SLC36A1: variants seen among roughly 807,000 people sequenced by gnomAD.
The protein encoded by SLC36A1 is solute carrier family 36 member 1.
SLC36A1 carries 30 observed loss-of-function variants against 47.5 expected under a neutral mutation model. The observed-to-expected ratio is 0.63, with a 90% CI of 0.47 to 0.86. The LOEUF (loss-of-function observed/expected upper bound fraction) is 0.86. Among genes scored for constraint, SLC36A1 ranks in the 40% least tolerant of loss-of-function variants. The probability of loss-of-function intolerance (pLI) is 0.00; values close to 1 mark genes in which losing one functional copy is unlikely to be tolerated. For missense variants in SLC36A1, 517 were observed against 606.0 expected, an observed-to-expected ratio of 0.85 and a Z score of 1.54; for synonymous variants, 255 against 249.7, an observed-to-expected ratio of 1.02 and a Z score of -0.20.
At chr5:151,390,730 T>A in the SLC36A1 span, among the ~76,000 whole-genome samples, 21,362 of 152,194 alleles carry the variant, frequency 0.14, 2,014 homozygotes, top group East Asian at 0.37. Flanking sequence ...TGTGTGGTAT[T>A]ATTACTCAGG....
chr5:151,459,075 C>G, intron 2 of SLC36A1, 140 bp downstream of exon 2: 1 of 933,592 alleles, frequency 1.1e-6, no homozygotes, highest in South Asian at 2.3e-5. Flanking sequence ...CGAGTGACTG[C>G]GCTGAGATTT....
At chr5:151,524,275 A>C in the SLC36A1 span, among the ~76,000 whole-genome samples, 1 of 152,164 alleles carries the variant, frequency 6.6e-6, no homozygotes, top group Non-Finnish European at 1.5e-5. Flanking sequence ...CTTGATTTTT[A>C]CCTGTTGTAA....
At chr5:151,437,702 A>T (rs1284340562) in intron 1 of SLC36A1, among the ~76,000 whole-genome samples, 1 of 152,196 alleles carries the variant, frequency 6.6e-6, no homozygotes, top group Non-Finnish European at 1.5e-5. Flanking sequence ...AATGATATAA[A>T]CATAAAGCTA....
the SLC36A1 span, among the ~76,000 whole-genome samples, chr5:151,390,561 T>A: frequency 4.6e-5 from 7 of 152,366 alleles, no homozygotes; most frequent in South Asian, 2.1e-4. Context: ...AAGTCTTTAG[T>A]CCATCTTGAA....
the SLC36A1 span, chr5:151,543,026 G>A: frequency 6.2e-7 from 1 of 1,614,168 alleles, no homozygotes; most frequent in Non-Finnish European, 8.5e-7. Context: ...AGGTCTTCAG[G>A]TGCAGAGAAA....
chr5:151,437,603 AT>A (rs900831495), intron 1 of SLC36A1, among the ~76,000 whole-genome samples: 1 of 152,128 alleles, frequency 6.6e-6, no homozygotes, highest in African/African-American at 2.4e-5. Context: ...TTAGGTGAAA[AT>A]TTGTACCTCT....
At chr5:151,413,540 A>G in the SLC36A1 span, among the ~76,000 whole-genome samples, 1 of 152,160 alleles carries the variant, frequency 6.6e-6, no homozygotes, top group Non-Finnish European at 1.5e-5. Context: ...CTGAAAAACT[A>G]TTCACATAAC....
the SLC36A1 span, among the ~76,000 whole-genome samples, chr5:151,375,630 T>C: frequency 9.9e-5 from 15 of 152,192 alleles, no homozygotes; most frequent in Admixed American, 1.3e-4. Context: ...AGGGATTGCA[T>C]TGAATCTCTA....
At chr5:151,504,373 C>A in the SLC36A1 span, 1 of 152,688 alleles carries the variant, frequency 6.5e-6, no homozygotes, top group African/African-American at 2.4e-5. Flanking sequence ...GCCACAGAGG[C>A]TTCTGGTCCC....
intron 10 of SLC36A1, among the ~76,000 whole-genome samples, chr5:151,483,526 T>TTTGGGGGGGGGGGGGGGGGGGGCGGGGGG (rs1759124357): frequency 7.1e-6 from 1 of 140,756 alleles, no homozygotes; most frequent in African/African-American, 2.8e-5. Flanking sequence ...GTGGGGGGGG[T>TTTGGGGGGGGGGGGGGGGGGGGCGGGGGG]GATTAGGGGA....
chr5:151,544,217 T>C, the SLC36A1 span: 1 of 1,613,914 alleles, frequency 6.2e-7, no homozygotes, highest in Non-Finnish European at 8.5e-7. Flanking sequence ...ACGTCACGGT[T>C]CCGCCCTGAG....
the SLC36A1 span, among the ~76,000 whole-genome samples, chr5:151,528,875 C>G: frequency 1.3e-5 from 2 of 152,212 alleles, no homozygotes; most frequent in African/African-American, 4.8e-5. Context: ...GAGCCTCTGG[C>G]AGTCCTCTGG....
the SLC36A1 span, among the ~76,000 whole-genome samples, chr5:151,503,626 T>C: frequency 4.0e-5 from 6 of 151,790 alleles, no homozygotes; most frequent in African/African-American, 1.5e-4. Flanking sequence ...CGACTAAGGG[T>C]GCGCTGTGGA....
At chr5:151,371,609 A>G in the SLC36A1 span, among the ~76,000 whole-genome samples, 2 of 152,240 alleles carry the variant, frequency 1.3e-5, no homozygotes, top group Non-Finnish European at 1.5e-5. Context: ...AGAATTTCTA[A>G]TATTCTATCT....
chr5:151,377,410 G>A, the SLC36A1 span, among the ~76,000 whole-genome samples: 14 of 145,372 alleles, frequency 9.6e-5, no homozygotes, highest in Admixed American at 4.9e-4. Flanking sequence ...GTGCAGTGGC[G>A]CGATCTCGAC....
At chr5:151,523,779 T>C in the SLC36A1 span, among the ~76,000 whole-genome samples, 1 of 152,106 alleles carries the variant, frequency 6.6e-6, no homozygotes, top group Non-Finnish European at 1.5e-5. Flanking sequence ...ACTGGACACC[T>C]CTGCTTGGAT....
the SLC36A1 span, chr5:151,380,992 A>T: frequency 2.6e-6 from 1 of 386,200 alleles, no homozygotes; most frequent in Non-Finnish European, 5.2e-6. Flanking sequence ...CCTATAACAG[A>T]GGGGCCAGGC....
At chr5:151,353,725 C>G in the SLC36A1 span, among the ~76,000 whole-genome samples, 64 of 152,280 alleles carry the variant, frequency 4.2e-4, no homozygotes, top group African/African-American at 1.4e-3. Context: ...GTTCATCTCT[C>G]CCTCTTTTCT....
the SLC36A1 span, among the ~76,000 whole-genome samples, chr5:151,530,368 C>A: frequency 6.6e-6 from 1 of 152,128 alleles, no homozygotes. Flanking sequence ...TGATCAAGGC[C>A]TTTGATCCAA....
Sources: gnomAD v4.1 joint callset for allele counts (sites outside exome capture counted in the v4.1 genomes callset) on GRCh38, gnomAD v4.1.1 for gene constraint, MANE v1.5 for transcripts, NCBI Gene and HGNC (gene_info 2026-07-23, HGNC 2026-07-21) for gene names.